EXD3: variants seen among roughly 807,000 people sequenced by gnomAD.
The protein encoded by EXD3 is exonuclease 3'-5' domain containing 3, also known as exonuclease mut-7 homolog.
A neutral mutation model predicts 98.0 loss-of-function variants in EXD3; 92 were observed. That is an observed-to-expected ratio of 0.94 (90% confidence interval 0.79 to 1.12). EXD3 has a LOEUF of 1.12. EXD3 is among the 50% of genes most tolerant of loss of function. The probability of loss-of-function intolerance (pLI) is 0.00; values close to 1 mark genes in which losing one functional copy is unlikely to be tolerated. For synonymous variants in EXD3, 569 were observed against 526.0 expected, an observed-to-expected ratio of 1.08 and a Z score of -1.12; for missense variants, 1,222 against 1,191.6, an observed-to-expected ratio of 1.03 and a Z score of -0.38.
chr9:137,310,821 C>CTGGGGAG (rs1831319700), intron 19 of EXD3, among the ~76,000 whole-genome samples: 1 of 152,162 alleles, frequency 6.6e-6, no homozygotes, highest in South Asian at 2.1e-4. Context: ...TCAGAGCACC[C>CTGGGGAG]TGGGGAGGAG....
intron 11 of EXD3, 39 bp downstream of exon 11, chr9:137,352,581 G>A: frequency 6.7e-7 from 1 of 1,501,792 alleles, no homozygotes; most frequent in South Asian, 1.3e-5. Context: ...ACCCTGGGCG[G>A]AACCCACCCC....
At chr9:137,353,972 GC>G (rs112149070) in intron 10 of EXD3, 1 of 1,082,692 alleles carries the variant, frequency 9.2e-7, no homozygotes, top group Non-Finnish European at 1.1e-6. Flanking sequence ...CTGGCACCGG[GC>G]TGGGGGGGCC....
At chr9:137,339,868 A>G (rs1833556013) in intron 17 of EXD3, among the ~76,000 whole-genome samples, 1 of 152,220 alleles carries the variant, frequency 6.6e-6, no homozygotes, top group Non-Finnish European at 1.5e-5. Flanking sequence ...TCTATTCGAC[A>G]CTGTCTTGGA....
intron 17 of EXD3, among the ~76,000 whole-genome samples, chr9:137,332,188 A>G (rs1334410828): frequency 3.3e-5 from 5 of 152,244 alleles, no homozygotes; most frequent in Non-Finnish European, 5.9e-5. Context: ...ATTCAGTGCA[A>G]TTCCTATCAA....
Position 137,395,018 on chromosome 9 carries a change from T to C in EXD3, c.55+285A>G, listed in dbSNP as rs1252793200. The stretch of plus-strand genomic sequence containing the variant: ...CGGCCAGCCCTGAGCAGCTGCACTG[T>C]CCCCGCCACCTCCCCCGGATCCTGT... On this transcript the variant is annotated intron_variant, in intron 2 of 21. Coordinates refer to ENST00000340951, the MANE Select transcript of EXD3 (RefSeq NM_017820.5). This position sits in a 1 kb window ranked among gnomAD's most constrained non-coding sequence, Gnocchi z 6.5. Among the ~76,000 whole-genome samples, 1 of 151,930 alleles carries C rather than the reference T, an allele frequency of 6.6e-6. No individual in the cohort carries two copies. The highest frequency in any genetic ancestry group is 1.5e-5 in the Non-Finnish European group (1 of 67,954).
At chr9:137,313,323 G>A (rs1358831233) in intron 19 of EXD3, among the ~76,000 whole-genome samples, 3 of 152,116 alleles carry the variant, frequency 2.0e-5, no homozygotes, top group African/African-American at 7.2e-5. Context: ...GGGCAGAGGT[G>A]ACCTGAGCAT....
At position 137,353,241 on chromosome 9, in the gene EXD3, C is replaced by T. The variant is rs565846036; in HGVS notation, c.871-455G>A. The T allele has an allele frequency of 9.1e-6, 9 of 984,676 alleles. No homozygotes were observed. In the South Asian group the frequency reaches 4.2e-4, roughly 46 times the overall value. 61.0% of individuals were successfully genotyped at this position (984,676 alleles called of 1,614,324 possible). On this transcript the variant is annotated intron_variant, in intron 10 of 21. Coordinates refer to ENST00000340951, the MANE Select transcript of EXD3 (RefSeq NM_017820.5). The stretch of plus-strand genomic sequence containing the variant: ...TCCACTGACCTTTCCAGCCTCCAAG[C>T]CTCCACTGGCCCTCCTGGCCTCCAA...
intron 1 of EXD3, among the ~76,000 whole-genome samples, chr9:137,399,747 G>C (rs953242455): frequency 6.6e-6 from 1 of 152,188 alleles, no homozygotes; most frequent in African/African-American, 2.4e-5. Flanking sequence ...GGTGGCAAGA[G>C]AAAATGAGAG....
chr9:137,331,623 C>A (rs780215434), intron 17 of EXD3, among the ~76,000 whole-genome samples: 8 of 152,130 alleles, frequency 5.3e-5, no homozygotes, highest in Non-Finnish European at 1.2e-4. Flanking sequence ...GAGAAGGAAA[C>A]CAAGAACTCA....
intron 1 of EXD3, among the ~76,000 whole-genome samples, chr9:137,417,808 C>G (rs1473645365): frequency 6.6e-6 from 1 of 152,074 alleles, no homozygotes; most frequent in Non-Finnish European, 1.5e-5. Flanking sequence ...GTGCCGCGGG[C>G]CGGTCCTGCC....
chr9:137,419,880 C>T (rs1418785650), intron 1 of EXD3, among the ~76,000 whole-genome samples: 6 of 152,072 alleles, frequency 3.9e-5, no homozygotes, highest in Admixed American at 2.6e-4. Flanking sequence ...AAAAAAGCGG[C>T]CGGGCGCGGT....
At chr9:137,417,746 G>A (rs1027511355) in intron 1 of EXD3, among the ~76,000 whole-genome samples, 4 of 152,108 alleles carry the variant, frequency 2.6e-5, no homozygotes, top group African/African-American at 4.8e-5. Context: ...TGTGCGCCCC[G>A]GGCACACCGG....
Position 137,395,241 on chromosome 9 carries a change from C to G in EXD3, c.55+62G>C. ...ACAGTGGGCGCCACCACCCCCCATGCACACCCACGCACCTCCCCCCACAGC... is the reference window on the plus strand; with the variant it reads ...ACAGTGGGCGCCACCACCCCCCATGGACACCCACGCACCTCCCCCCACAGC... On this transcript the variant is annotated intron_variant, in intron 2 of 21. Coordinates refer to ENST00000340951, the MANE Select transcript of EXD3 (RefSeq NM_017820.5). The surrounding 1 kb of genome is among the most constrained non-coding windows in gnomAD (Gnocchi z 6.5). The G allele has an allele frequency of 1.5e-5, 20 of 1,331,034 alleles. No homozygotes were observed. Among genetic ancestry groups the G allele is most frequent in the Non-Finnish European group, 2.1e-5 (19 of 924,466 alleles). 82.5% of individuals were successfully genotyped at this position (1,331,034 alleles called of 1,614,324 possible).
chr9:137,399,578 G>A (rs1220897662), intron 1 of EXD3, among the ~76,000 whole-genome samples: 1 of 152,092 alleles, frequency 6.6e-6, no homozygotes, highest in African/African-American at 2.4e-5. Context: ...TCTTATTCCT[G>A]GCTTCTCTTC....
At chr9:137,372,784 C>T in intron 5 of EXD3, 121 bp downstream of exon 5, 1 of 1,068,640 alleles carries the variant, frequency 9.4e-7, no homozygotes, top group Non-Finnish European at 1.3e-6. Flanking sequence ...TCCTTGATAC[C>T]TCCATGTAGA....
chr9:137,390,119 CAAAAA>C (rs34716316), intron 2 of EXD3, among the ~76,000 whole-genome samples: 4 of 23,378 alleles, frequency 1.7e-4, no homozygotes, highest in Non-Finnish European at 2.8e-4. Flanking sequence ...GAGACTCTGT[CAAAAA>C]AAAAAAAAAA....
chr9:137,352,855 A>G (rs1834382530), intron 10 of EXD3, 69 bp from the exon 11 acceptor site: 6 of 1,497,934 alleles, frequency 4.0e-6, no homozygotes, highest in Non-Finnish European at 4.4e-6. Flanking sequence ...GCCCCGAGGG[A>G]CCCCCGTAGA....
Position 137,359,900 on chromosome 9 carries a change from C to T in EXD3, c.657-3532G>A. Among the ~76,000 whole-genome samples the T allele has an allele frequency of 2.3e-5, 2 of 86,126 alleles. 1 individual carries two copies. Among genetic ancestry groups the T allele is most frequent in the Non-Finnish European group, 5.7e-5 (2 of 35,068 alleles). 56.5% of individuals were successfully genotyped at this position (86,126 alleles called of 152,430 possible). The stretch of plus-strand genomic sequence containing the variant: ...TTGTGGATAATGAGCTCATTTCTCT[C>T]GGGCATATGCTAAGTGGACTCGGAC... On this transcript the variant is annotated intron_variant, in intron 7 of 21. Coordinates refer to ENST00000340951, the MANE Select transcript of EXD3 (RefSeq NM_017820.5).
chr9:137,317,644 G>T (rs968774171), intron 19 of EXD3, among the ~76,000 whole-genome samples: 1 of 152,122 alleles, frequency 6.6e-6, no homozygotes, highest in Non-Finnish European at 1.5e-5. Context: ...CCAGAATGCT[G>T]TGGAGAGGTG....
Sources: gnomAD v4.1 joint callset for allele counts (sites outside exome capture counted in the v4.1 genomes callset) on GRCh38, gnomAD v4.1.1 for gene constraint, Gnocchi (gnomAD v3.1) non-coding constraint, MANE v1.5 for transcripts, NCBI Gene and HGNC (gene_info 2026-07-23, HGNC 2026-07-21) for gene names.